The following YARS1 variants were observed in gnomAD, a reference collection of about 807,000 sequenced individuals.
YARS1 encodes the protein tyrosine--tRNA ligase, cytoplasmic.
YARS1 carries 36 observed loss-of-function variants against 62.2 expected under a neutral mutation model. The observed-to-expected ratio is 0.58, with a 90% CI of 0.44 to 0.76. YARS1 has a LOEUF of 0.76. YARS1 is among the 30% of genes least tolerant of loss of function. The probability of loss-of-function intolerance (pLI) is 0.00; values close to 1 mark genes in which losing one functional copy is unlikely to be tolerated. For synonymous variants in YARS1, 234 were observed against 244.9 expected (o/e 0.96, Z 0.42); for missense variants, 524 against 639.8 (o/e 0.82, Z 1.95).
rs1301750102 is a variant in YARS1 at position 32,775,242 on chromosome 1, T to C, written c.*739A>G. ...TGGTCCAGCTCACATCCAGACACCC[T>C]TGTTCAGACATTTTATTTGAATTTA... On this transcript the variant is annotated 3_prime_UTR_variant, in exon 13 of 13. Transcript: ENST00000373477. 6.6e-6 allele frequency: 1 copy of C among 152,484 alleles called. No individual in the cohort carries two copies. The highest frequency in any genetic ancestry group is 1.5e-5 in the Non-Finnish European group (1 of 68,284). 9.4% of individuals were successfully genotyped at this position (152,484 alleles called of 1,614,324 possible). A position where few individuals can be genotyped will look rare whatever the true frequency, so the allele number is the denominator to read the frequency against.
chr1:32,786,328 C>T, intron 8 of YARS1, 34 bp downstream of exon 8: 2 of 1,601,584 alleles, frequency 1.2e-6, no homozygotes, highest in East Asian at 2.2e-5. Flanking sequence ...AAATACAGAT[C>T]TTCATGAAAG....
intron 8 of YARS1, among the ~76,000 whole-genome samples, chr1:32,784,179 A>AT (rs774872672): frequency 0.047 from 6,332 of 135,178 alleles, 205 homozygotes; most frequent in Non-Finnish European, 0.07. Flanking sequence ...CAGTATTTTG[A>AT]TTTTTTTTTT....
chr1:32,797,672 T>G, intron 5 of YARS1, 91 bp downstream of exon 5: 1 of 1,083,328 alleles, frequency 9.2e-7, no homozygotes, highest in Admixed American at 1.7e-5. Context: ...CCATACACTA[T>G]GACTAGTGGG....
At position 32,817,278 on chromosome 1, in the gene YARS1, G is replaced by A. The variant is rs763753499; in HGVS notation, c.-34C>T. On this transcript the variant is annotated 5_prime_UTR_variant, in exon 1 of 13. Coordinates refer to ENST00000373477, the MANE Select transcript of YARS1 (RefSeq NM_003680.4). ...TACCCCTGCTTCCCCCGCTCAGCCCGGCACCAGAGCCCCTTCCTGGGTCAC... is the reference window on the plus strand; with the variant it reads ...TACCCCTGCTTCCCCCGCTCAGCCCAGCACCAGAGCCCCTTCCTGGGTCAC... 29 of 1,612,978 alleles carry A rather than the reference G, an allele frequency of 1.8e-5. No individual in the cohort carries two copies. The highest frequency in any genetic ancestry group is 3.3e-5 in the South Asian group (3 of 91,078).
chr1:32,808,678 T>G (rs1226300997), intron 3 of YARS1, among the ~76,000 whole-genome samples: 1 of 152,184 alleles, frequency 6.6e-6, no homozygotes, highest in African/African-American at 2.4e-5. Flanking sequence ...TAGCAAGAAT[T>G]CAATATATAT....
intron 3 of YARS1, among the ~76,000 whole-genome samples, chr1:32,809,767 C>G (rs2148616152): frequency 6.6e-6 from 1 of 152,222 alleles, no homozygotes; most frequent in African/African-American, 2.4e-5. Flanking sequence ...GCAAAAGTGA[C>G]TAATAGAGCG....
At chr1:32,778,346 A>G (rs901191779) in intron 12 of YARS1, among the ~76,000 whole-genome samples, 6 of 152,124 alleles carry the variant, frequency 3.9e-5, no homozygotes, top group African/African-American at 1.4e-4. Flanking sequence ...TGAGTGCTCT[A>G]AACTCAAGAT....
At chr1:32,803,893 C>T (rs1344477482) in intron 4 of YARS1, among the ~76,000 whole-genome samples, 3 of 152,080 alleles carry the variant, frequency 2.0e-5, no homozygotes, top group South Asian at 2.1e-4. Flanking sequence ...TGCGGCCTTC[C>T]GCAGTGTTTG....
intron 8 of YARS1, among the ~76,000 whole-genome samples, chr1:32,785,130 A>G (rs1653178744): frequency 6.6e-6 from 1 of 152,188 alleles, no homozygotes; most frequent in South Asian, 2.1e-4. Context: ...AATCCTCATC[A>G]AAGCCATTAA....
chr1:32,810,173 G>A (rs921434550), intron 3 of YARS1, among the ~76,000 whole-genome samples: 1 of 150,924 alleles, frequency 6.6e-6, no homozygotes, highest in Non-Finnish European at 1.5e-5. Flanking sequence ...TTCCAAATAT[G>A]AACAAAACTC....
At chr1:32,782,209 G>T in intron 9 of YARS1, 195 bp downstream of exon 9, 1 of 790,422 alleles carries the variant, frequency 1.3e-6, no homozygotes, top group Non-Finnish European at 2.0e-6. Flanking sequence ...ACAAAAGGAT[G>T]TGATCACTTC....
Position 32,810,782 on chromosome 1 carries a change from G to A in YARS1, c.205-16C>T, listed in dbSNP as rs775327199. 1.2e-6 allele frequency: 2 copies of A among 1,614,126 alleles called. No homozygotes were observed. The highest frequency in any genetic ancestry group is 3.3e-5 in the Admixed American group (2 of 60,006). On this transcript the variant is annotated splice_polypyrimidine_tract_variant and intron_variant, in intron 2 of 12. Transcript: ENST00000373477. The stretch of plus-strand genomic sequence containing the variant: ...GAATTGTTACCTGGACAAGAGATAA[G>A]GGGCCACCAAAATGTGAATTTGTCC...
At chr1:32,816,816 G>A (rs1418318834) in intron 1 of YARS1, 1 of 371,604 alleles carries the variant, frequency 2.7e-6, no homozygotes, top group East Asian at 5.2e-5. Flanking sequence ...GTACTTACTT[G>A]AACCGTAATG....
chr1:32,796,263 T>C (rs543845599), intron 5 of YARS1, among the ~76,000 whole-genome samples: 2 of 152,178 alleles, frequency 1.3e-5, no homozygotes, highest in Middle Eastern at 6.8e-3. Context: ...GCCACTGCAC[T>C]CCAGCCCAGG....
At chr1:32,815,622 C>T (rs1638694467) in intron 1 of YARS1, among the ~76,000 whole-genome samples, 1 of 152,224 alleles carries the variant, frequency 6.6e-6, no homozygotes, top group South Asian at 2.1e-4. Context: ...GGTGCAAATA[C>T]ATGCATGAAC....
intron 1 of YARS1, 21 bp downstream of exon 1, chr1:32,817,167 T>C: frequency 1.2e-6 from 2 of 1,613,994 alleles, no homozygotes; most frequent in Non-Finnish European, 1.7e-6. Flanking sequence ...CAACGGCGCA[T>C]TTCCAACCCC....
chr1:32,786,946 T>C lies in YARS1; in HGVS notation c.814A>G (p.Lys272Glu), dbSNP rs780855588. The C allele has an allele frequency of 1.2e-6, 2 of 1,614,084 alleles. No homozygotes were observed. The highest frequency in any genetic ancestry group is 2.2e-5 in the South Asian group (2 of 91,074). ...AGAAAACAGAGAGTGTTACCGGACT[T>C]AAGGGGAAAAAGGACATGCTTGATG... is the stretch of plus-strand genomic sequence containing the variant. ...SFIKHVLFPLKSEFVILRDEK... is the reference protein window; with the variant it reads ...SFIKHVLFPLESEFVILRDEK... Residue 272 changes from lysine to glutamate, a missense_variant, in exon 7 of 13, where the codon AAG (lysine) becomes GAG (glutamate). Transcript: ENST00000373477.
rs560024555 is a variant in YARS1 at position 32,776,748 on chromosome 1, C to T, written c.1477-657G>A. On this transcript the variant is annotated intron_variant, in intron 12 of 12. Coordinates refer to ENST00000373477, the MANE Select transcript of YARS1 (RefSeq NM_003680.4). The surrounding 1 kb of genome is among the most constrained non-coding windows in gnomAD (Gnocchi z 4.0). ...TCGGGAGGCCGAGGTGGGCGGATCACGAGGTCAGGAGATTGAGACCATCCT... is the reference window on the plus strand; with the variant it reads ...TCGGGAGGCCGAGGTGGGCGGATCATGAGGTCAGGAGATTGAGACCATCCT... 2.3e-4 allele frequency among the ~76,000 whole-genome samples: 35 copies of T among 152,064 alleles called. 1 individual carries two copies. Among genetic ancestry groups the T allele is most frequent in the Admixed American group, 1.4e-3 (22 of 15,272 alleles).
intron 4 of YARS1, among the ~76,000 whole-genome samples, chr1:32,805,603 G>A (rs1638441881): frequency 2.0e-5 from 3 of 152,132 alleles, no homozygotes; most frequent in Admixed American, 6.5e-5. Flanking sequence ...CGAGCTTTCC[G>A]CCTGCCTCCG....
Sources: gnomAD v4.1 joint callset for allele counts (sites outside exome capture counted in the v4.1 genomes callset) on GRCh38, gnomAD v4.1.1 for gene constraint, Gnocchi (gnomAD v3.1) non-coding constraint, MANE v1.5 for transcripts, NCBI Gene and HGNC (gene_info 2026-07-23, HGNC 2026-07-21) for gene names.